TBL1XR1: variants seen among roughly 807,000 people sequenced by gnomAD.
TBL1XR1 encodes the protein F-box-like/WD repeat-containing protein TBL1XR1.
Under a neutral mutation model 66.9 loss-of-function variants are expected in TBL1XR1, and 5 were observed. The ratio of observed to expected loss-of-function variants is 0.07; its 90% CI spans 0.04 to 0.16. The LOEUF (loss-of-function observed/expected upper bound fraction) is 0.16, where lower values mean the gene tolerates loss of function less well. Ranked by LOEUF, TBL1XR1 falls within the 10% of genes least tolerant of loss-of-function variation. The pLI is 1.00. For synonymous variants in TBL1XR1, 210 were observed against 206.0 expected (o/e 1.02, Z -0.17); for missense variants, 238 against 623.2 (o/e 0.38, Z 6.58).
At chr3:177,185,374 C>T (rs994646194) in intron 1 of TBL1XR1, among the ~76,000 whole-genome samples, 10 of 151,858 alleles carry the variant, frequency 6.6e-5, no homozygotes, top group African/African-American at 2.4e-4. Context: ...TTTGGGAGGC[C>T]GAGGAGGATG....
intron 10 of TBL1XR1, among the ~76,000 whole-genome samples, chr3:177,044,497 A>G (rs566672556): frequency 6.6e-6 from 1 of 152,172 alleles, no homozygotes; most frequent in African/African-American, 2.4e-5. Flanking sequence ...AATGTAATCT[A>G]ATCTCTGGGG....
intron 2 of TBL1XR1, among the ~76,000 whole-genome samples, chr3:177,084,857 T>C (rs1721923082): frequency 6.6e-6 from 1 of 152,246 alleles, no homozygotes; most frequent in African/African-American, 2.4e-5. Context: ...GGTGTCCTCA[T>C]AATGTTTGTT....
At chr3:177,138,073 CAAAA>C (rs911028829) in intron 1 of TBL1XR1, among the ~76,000 whole-genome samples, 1 of 152,024 alleles carries the variant, frequency 6.6e-6, no homozygotes, top group Non-Finnish European at 1.5e-5. Context: ...AACAGACTGA[CAAAA>C]AAACCCACGT....
intron 1 of TBL1XR1, among the ~76,000 whole-genome samples, chr3:177,115,357 G>C (rs1398240498): frequency 1.3e-5 from 2 of 152,124 alleles, no homozygotes; most frequent in Non-Finnish European, 2.9e-5. Flanking sequence ...TTATAAGAGA[G>C]ACTGAAATTT....
intron 2 of TBL1XR1, among the ~76,000 whole-genome samples, chr3:177,090,260 G>T (rs1333448547): frequency 6.6e-6 from 1 of 152,010 alleles, no homozygotes; most frequent in African/African-American, 2.4e-5. Context: ...TTTAAAACTT[G>T]GTTACTTACA....
intron 1 of TBL1XR1, among the ~76,000 whole-genome samples, chr3:177,167,564 G>A (rs943656930): frequency 2.6e-5 from 4 of 152,186 alleles, no homozygotes; most frequent in Admixed American, 6.6e-5. Context: ...CTGGGGACAC[G>A]AGGCAGAGGG....
chr3:177,163,090 T>C (rs1487281397), intron 1 of TBL1XR1, among the ~76,000 whole-genome samples: 1 of 152,202 alleles, frequency 6.6e-6, no homozygotes, highest in Admixed American at 6.5e-5. Context: ...ATGATCTATG[T>C]ACCAAGGTTA....
Position 177,045,121 on chromosome 3 carries a change from C to T in TBL1XR1, c.925+1008G>A, listed in dbSNP as rs1221284744. On this transcript the variant is annotated intron_variant, in intron 10 of 15. Transcript: ENST00000457928. ...CCTTATTTTGGCTTGTTTAGGCACA[C>T]TAAACAGAGAATGAAAAAAAAGCAA... 2.6e-5 allele frequency: 4 copies of T among 151,988 alleles called. No homozygotes were observed. The East Asian group carries it at 7.7e-4, about 29-fold the overall frequency. 9.4% of individuals were successfully genotyped at this position (151,988 alleles called of 1,614,324 possible). A position where few individuals can be genotyped will look rare whatever the true frequency, so the allele number is the denominator to read the frequency against.
At chr3:177,173,128 A>G (rs1201989197) in intron 1 of TBL1XR1, among the ~76,000 whole-genome samples, 1 of 152,208 alleles carries the variant, frequency 6.6e-6, no homozygotes, top group African/African-American at 2.4e-5. Context: ...CGGGGGCTGC[A>G]GTGAGCCGAG....
At chr3:177,152,501 T>G (rs1033075443) in intron 1 of TBL1XR1, among the ~76,000 whole-genome samples, 2 of 152,108 alleles carry the variant, frequency 1.3e-5, no homozygotes, top group Non-Finnish European at 2.9e-5. Flanking sequence ...TGGCCAGGCT[T>G]GTCTTGAACT....
chr3:177,188,455 G>T (rs1263226012), intron 1 of TBL1XR1, among the ~76,000 whole-genome samples: 1 of 152,106 alleles, frequency 6.6e-6, no homozygotes, highest in Non-Finnish European at 1.5e-5. Context: ...GCTGAGGCAG[G>T]AGAACTGCTT....
intron 14 of TBL1XR1, among the ~76,000 whole-genome samples, chr3:177,030,503 T>C (rs1244394225): frequency 6.6e-6 from 1 of 152,042 alleles, no homozygotes; most frequent in Non-Finnish European, 1.5e-5. Flanking sequence ...ATCATGGGAA[T>C]GACAGGCACT....
intron 2 of TBL1XR1, among the ~76,000 whole-genome samples, chr3:177,086,616 T>A (rs1276298810): frequency 6.6e-6 from 1 of 152,000 alleles, no homozygotes; most frequent in East Asian, 1.9e-4. Flanking sequence ...AGCCCACAAT[T>A]TTTTTTTAAG....
intron 1 of TBL1XR1, among the ~76,000 whole-genome samples, chr3:177,099,810 T>C (rs1434598306): frequency 6.6e-6 from 1 of 152,256 alleles, no homozygotes; most frequent in Non-Finnish European, 1.5e-5. Context: ...TTTTGTCACT[T>C]TTTGAGCTAA....
At chr3:177,086,326 C>A (rs1722110199) in intron 2 of TBL1XR1, among the ~76,000 whole-genome samples, 1 of 151,876 alleles carries the variant, frequency 6.6e-6, no homozygotes, top group Admixed American at 6.6e-5. Flanking sequence ...CAGCACATCT[C>A]AATTCTGACT....
intron 3 of TBL1XR1, among the ~76,000 whole-genome samples, chr3:177,059,376 G>A (rs1718216118): frequency 6.6e-6 from 1 of 152,150 alleles, no homozygotes; most frequent in South Asian, 2.1e-4. Context: ...GAATGAATGA[G>A]CTATATGTTA....
intron 12 of TBL1XR1, among the ~76,000 whole-genome samples, chr3:177,035,790 C>CTG (rs749832425): frequency 3.3e-5 from 5 of 152,170 alleles, no homozygotes; most frequent in African/African-American, 4.8e-5. Flanking sequence ...CACAGATATC[C>CTG]TGTTTCGCCA....
At chr3:177,193,418 C>T (rs1056568208) in intron 1 of TBL1XR1, among the ~76,000 whole-genome samples, 1 of 152,022 alleles carries the variant, frequency 6.6e-6, no homozygotes, top group Non-Finnish European at 1.5e-5. Flanking sequence ...TCAAGCGATT[C>T]TCCCACCTCA....
chr3:177,152,485 C>T (rs1169107411), intron 1 of TBL1XR1, among the ~76,000 whole-genome samples: 1 of 152,148 alleles, frequency 6.6e-6, no homozygotes, highest in Non-Finnish European at 1.5e-5. Context: ...TGGGGTTTCG[C>T]CATTTTGGCC....
Sources: allele counts gnomAD v4.1 joint callset (sites outside exome capture counted in the v4.1 genomes callset), GRCh38; gene constraint gnomAD v4.1.1; transcripts MANE v1.5; gene names NCBI Gene and HGNC (gene_info 2026-07-23, HGNC 2026-07-21).